ZNF527: variants seen among roughly 807,000 people sequenced by gnomAD.
ZNF527 encodes zinc finger protein 527.
ZNF527 carries 5 observed loss-of-function variants against 13.5 expected under a neutral mutation model. The ratio of observed to expected loss-of-function variants is 0.37; its 90% CI spans 0.19 to 0.78. The LOEUF is 0.78. Ranked by LOEUF, ZNF527 falls within the 30% of genes least tolerant of loss-of-function variation. The pLI, the probability that ZNF527 is intolerant of heterozygous loss-of-function variation, is 0.48. For synonymous variants in ZNF527, 209 were observed against 243.1 expected (o/e 0.86, Z 1.30); for missense variants, 628 against 726.4 (o/e 0.86, Z 1.56).
chr19:37,389,255 T>C lies in ZNF527; in HGVS notation c.1206T>C (p.Asn402=). ...CCTTCAGACAGAGTGCTCACCTTAA[T>C]CAACATCAGAGGATTCACACTGGAG... is the stretch of plus-strand genomic sequence containing the variant. The part of the protein sequence containing the change: ...NKAFRQSAHL[N]QHQRIHTGEK... Residue 402 remains asparagine (N), a synonymous_variant, in exon 5 of 5, where the codon AAT becomes AAC. Coordinates refer to ENST00000436120, the MANE Select transcript of ZNF527 (RefSeq NM_032453.2). 6.2e-7 allele frequency: 1 copy of C among 1,614,172 alleles called. No homozygotes were observed. The highest frequency in any genetic ancestry group is 8.5e-7 in the Non-Finnish European group (1 of 1,179,996).
chr19:37,389,725 G>A lies in ZNF527; in HGVS notation c.1676G>A (p.Cys559Tyr), dbSNP rs1401892920. Residue 559 changes from cysteine (C) to tyrosine (Y), a missense_variant, in exon 5 of 5, where the codon TGT (cysteine) becomes TAT (tyrosine). Physicochemically the swap from Cys to Tyr is radical, Grantham distance 194. Transcript: ENST00000436120. ...TGEKPYECSE[C>Y]GKAFHQILSL... is the part of the protein sequence containing the mutation. ...GAGAAACCCTATGAATGTAGTGAAT[G>A]TGGGAAGGCTTTTCATCAGATCTTG... 1 of 1,614,010 alleles carries A rather than the reference G, an allele frequency of 6.2e-7. No homozygotes were observed. The highest frequency in any genetic ancestry group is 8.5e-7 in the Non-Finnish European group (1 of 1,180,026).
intron 4 of ZNF527, chr19:37,385,084 C>A: frequency 1.9e-6 from 1 of 516,356 alleles, no homozygotes; most frequent in Non-Finnish European, 3.5e-6. Context: ...TCTTGGCATC[C>A]CAAACTGTTG....
chr19:37,389,383 G>T lies in ZNF527; in HGVS notation c.1334G>T (p.Ser445Ile). The stretch of plus-strand genomic sequence containing the variant: ...ACAGGAGAGAAACCCTTCAAATGTA[G>T]TGAATGTGGGAAGACCTTTGGCTAT... ...IHTGEKPFKC[S>I]ECGKTFGYRS... Residue 445 changes from serine to isoleucine, a missense_variant, in exon 5 of 5, where the codon AGT becomes ATT. Physicochemically the swap from Ser to Ile is moderately radical, Grantham distance 142. Transcript: ENST00000436120. 1 of 1,614,040 alleles carries T rather than the reference G, an allele frequency of 6.2e-7. No homozygotes were observed. Among genetic ancestry groups the T allele is most frequent in the Non-Finnish European group, 8.5e-7 (1 of 1,180,006 alleles).
In ZNF527 at chr19:37,390,039, T is replaced by G. The variant is rs938796564; in HGVS notation, c.*160T>G. On this transcript the variant is annotated 3_prime_UTR_variant, in exon 5 of 5. Transcript: ENST00000436120. ...TCAGTAGTAGACATCTGTTACTTTT[T>G]TTTTTTTCAGACAGAGTCTCGCTCT... is the stretch of plus-strand genomic sequence containing the variant. 5 of 949,812 alleles carry G rather than the reference T, an allele frequency of 5.3e-6. No individual in the cohort carries two copies. In the Admixed American group the frequency reaches 9.5e-5, roughly 18 times the overall value. 58.8% of individuals were successfully genotyped at this position (949,812 alleles called of 1,614,324 possible).
intron 4 of ZNF527, among the ~76,000 whole-genome samples, chr19:37,380,692 T>C (rs1317195404): frequency 6.6e-6 from 1 of 152,164 alleles, no homozygotes; most frequent in Admixed American, 6.5e-5. Flanking sequence ...ACACACAGTG[T>C]TTAAAGAATC....
intron 2 of ZNF527, among the ~76,000 whole-genome samples, chr19:37,377,002 A>G (rs8111782): frequency 0.21 from 31,570 of 152,134 alleles, 3,495 homozygotes; most frequent in South Asian, 0.31. Flanking sequence ...CAAATTACAT[A>G]TGTGACTCAA....
At chr19:37,381,369 T>C (rs532097787) in intron 4 of ZNF527, among the ~76,000 whole-genome samples, 1 of 152,294 alleles carries the variant, frequency 6.6e-6, no homozygotes, top group South Asian at 2.1e-4. Flanking sequence ...CAGATACGCT[T>C]CACTCTACAC....
At chr19:37,376,391 G>A (rs1423586830) in intron 2 of ZNF527, among the ~76,000 whole-genome samples, 2 of 151,860 alleles carry the variant, frequency 1.3e-5, no homozygotes, top group African/African-American at 4.8e-5. Flanking sequence ...AAAAAGGCTA[G>A]GTGCAGTGGC....
intron 3 of ZNF527, 183 bp downstream of exon 3, chr19:37,379,429 T>G (rs2040634023): frequency 4.1e-6 from 2 of 486,860 alleles, no homozygotes; most frequent in Non-Finnish European, 6.6e-6. Context: ...AATTTACTTT[T>G]GGCAGACATT....
At position 37,390,890 on chromosome 19, in the gene ZNF527, AC is replaced by A. The variant is rs2040746922; in HGVS notation, c.*1013del. On this transcript the variant is annotated 3_prime_UTR_variant, in exon 5 of 5. Coordinates refer to ENST00000436120, the MANE Select transcript of ZNF527 (RefSeq NM_032453.2). ...GCATAATTATTTATCCTGAGGAGCAACCTTCTGATATAACAAGTTTATGAAA... is the reference window on the plus strand; with the variant it reads ...GCATAATTATTTATCCTGAGGAGCAACTTCTGATATAACAAGTTTATGAAA... The A allele has an allele frequency of 6.6e-6, 1 of 152,164 alleles. No homozygotes were observed. The highest frequency in any genetic ancestry group is 1.5e-5 in the Non-Finnish European group (1 of 68,024). The allele number at this position is 152,164 out of a possible 1,614,324, so 9.4% of individuals were successfully genotyped here.
chr19:37,371,139 G>C lies in ZNF527; in HGVS notation c.-129G>C, dbSNP rs1165555481. On this transcript the variant is annotated 5_prime_UTR_variant, in exon 1 of 5. Transcript: ENST00000436120. ...CAGAGTCCTGCATGCCTCAGTCCTCGCCTCGCTCCTCCTCGCGGAGGATTC... is the reference window on the plus strand; with the variant it reads ...CAGAGTCCTGCATGCCTCAGTCCTCCCCTCGCTCCTCCTCGCGGAGGATTC... 6.6e-6 allele frequency: 1 copy of C among 152,654 alleles called. No homozygotes were observed. Among genetic ancestry groups the C allele is most frequent in the Non-Finnish European group, 1.5e-5 (1 of 68,070 alleles). 9.5% of individuals were successfully genotyped at this position (152,654 alleles called of 1,614,324 possible).
At chr19:37,380,061 C>T (rs1450739300) in intron 3 of ZNF527, 8 of 827,532 alleles carry the variant, frequency 9.7e-6, no homozygotes, top group Non-Finnish European at 1.4e-5. Context: ...ATGGCTGCAG[C>T]TGCTGTAGCA....
At chr19:37,382,753 G>C (rs1337029550) in intron 4 of ZNF527, among the ~76,000 whole-genome samples, 1 of 152,144 alleles carries the variant, frequency 6.6e-6, no homozygotes, top group Non-Finnish European at 1.5e-5. Flanking sequence ...CTGTCACCAG[G>C]CTGGAGTGCA....
intron 4 of ZNF527, chr19:37,385,257 C>T (rs1444089810): frequency 9.1e-6 from 4 of 440,602 alleles, no homozygotes; most frequent in South Asian, 7.1e-5. Context: ...TGTTTTCTCC[C>T]GCACACAAGT....
chr19:37,383,572 CTT>C (rs2040672889), intron 4 of ZNF527, among the ~76,000 whole-genome samples: 1 of 142,164 alleles, frequency 7.0e-6, no homozygotes, highest in South Asian at 2.3e-4. Flanking sequence ...GAGTTTTTCT[CTT>C]GTTGTCCAGG....
At position 37,389,508 on chromosome 19, in the gene ZNF527, C is replaced by T. The variant is rs1254265735; in HGVS notation, c.1459C>T (p.Arg487Ter). The T allele has an allele frequency of 2.5e-6, 4 of 1,614,078 alleles. No individual in the cohort carries two copies. The highest frequency in any genetic ancestry group is 3.4e-6 in the Non-Finnish European group (4 of 1,180,026). Residue 487 changes from arginine (R) to a stop codon, truncating the protein, a stop_gained, in exon 5 of 5, where the codon CGA becomes TGA. Transcript: ENST00000436120. LOFTEE classifies it low-confidence loss of function (END_TRUNC). ...TTTTAGGACTGACTCACAACTTAAT[C>T]GACATCATAGAATTCACACTGGAGA... is the stretch of plus-strand genomic sequence containing the variant. ...KFFRTDSQLN[R>*]HHRIHTGERP...
chr19:37,384,806 A>G (rs1181043063), intron 4 of ZNF527: 1 of 600,284 alleles, frequency 1.7e-6, no homozygotes, highest in Non-Finnish European at 3.0e-6. Flanking sequence ...CATTGTCTAT[A>G]AAGTTTTTCT....
chr19:37,387,468 A>G (rs2040709564), intron 4 of ZNF527, among the ~76,000 whole-genome samples: 1 of 152,270 alleles, frequency 6.6e-6, no homozygotes, highest in Non-Finnish European at 1.5e-5. Context: ...AAAGGTAGAA[A>G]GACCTTGTGT....
chr19:37,382,308 GA>G (rs2040660992), intron 4 of ZNF527, among the ~76,000 whole-genome samples: 1 of 151,944 alleles, frequency 6.6e-6, no homozygotes, highest in Admixed American at 6.6e-5. Flanking sequence ...TAGATAGATA[GA>G]TAGATAGATA....
Sources: allele counts gnomAD v4.1 joint callset (sites outside exome capture counted in the v4.1 genomes callset), GRCh38; gene constraint gnomAD v4.1.1; transcripts MANE v1.5; gene names NCBI Gene and HGNC (gene_info 2026-07-23, HGNC 2026-07-21).